Variants in BMERB1 observed in about 807,000 individuals in gnomAD.
The protein encoded by BMERB1 is bMERB domain containing 1.
A neutral mutation model predicts 23.6 loss-of-function variants in BMERB1; 12 were observed. That is an observed-to-expected ratio of 0.51 (90% CI 0.33 to 0.82). BMERB1 has a LOEUF of 0.82. Ranked by LOEUF, BMERB1 falls within the 40% of genes least tolerant of loss-of-function variation. The pLI is 0.03. For synonymous variants in BMERB1, 122 were observed against 96.6 expected, an observed-to-expected ratio of 1.26 and a Z score of -1.54; for missense variants, 247 against 255.4, an observed-to-expected ratio of 0.97 and a Z score of 0.22.
intron 1 of BMERB1, among the ~76,000 whole-genome samples, chr16:15,468,409 T>G (rs1363253463): frequency 6.6e-6 from 1 of 152,090 alleles, no homozygotes; most frequent in Non-Finnish European, 1.5e-5. Context: ...CTTCCCAAAG[T>G]GCTGGGATTA....
chr16:15,478,410 C>T (rs1414220100), intron 1 of BMERB1, among the ~76,000 whole-genome samples: 1 of 152,190 alleles, frequency 6.6e-6, no homozygotes, highest in African/African-American at 2.4e-5. Context: ...ATCCTCCCAC[C>T]TCAGCCTCCC....
At chr16:15,498,473 A>G (rs769674936) in intron 1 of BMERB1, among the ~76,000 whole-genome samples, 1 of 152,036 alleles carries the variant, frequency 6.6e-6, no homozygotes, top group Non-Finnish European at 1.5e-5. Flanking sequence ...GCAGTGAGGT[A>G]TGATCACACC....
chr16:15,554,079 C>T (rs2030173202), intron 2 of BMERB1, among the ~76,000 whole-genome samples: 1 of 152,216 alleles, frequency 6.6e-6, no homozygotes, highest in Admixed American at 6.5e-5. Context: ...TCCCCCTTCT[C>T]TCTGAGTGCC....
At chr16:15,451,471 C>T (rs191041197) in intron 1 of BMERB1, among the ~76,000 whole-genome samples, 3 of 152,120 alleles carry the variant, frequency 2.0e-5, no homozygotes, top group Non-Finnish European at 4.4e-5. Context: ...GCATGAGCCA[C>T]CATGCCCGGC....
At chr16:15,500,931 C>G (rs529046249) in intron 1 of BMERB1, among the ~76,000 whole-genome samples, 1 of 152,242 alleles carries the variant, frequency 6.6e-6, no homozygotes, top group Non-Finnish European at 1.5e-5. Context: ...GGATTACAGG[C>G]GTGAGCCACC....
chr16:15,496,771 C>G (rs930744601), intron 1 of BMERB1, among the ~76,000 whole-genome samples: 2 of 152,016 alleles, frequency 1.3e-5, no homozygotes. Context: ...ATCTCCTGAC[C>G]TCGTGATCTG....
chr16:15,552,778 A>G (rs1297634332), intron 2 of BMERB1, among the ~76,000 whole-genome samples: 1 of 152,242 alleles, frequency 6.6e-6, no homozygotes, highest in East Asian at 1.9e-4. Context: ...GTAGGCGCTC[A>G]AGAACTGTTT....
chr16:15,529,983 G>A (rs548250409), intron 2 of BMERB1, among the ~76,000 whole-genome samples: 2 of 152,312 alleles, frequency 1.3e-5, no homozygotes, highest in Admixed American at 6.5e-5. Flanking sequence ...TGGCAGAGCC[G>A]TGCTTTCTGG....
chr16:15,468,608 C>T (rs2051203855), intron 1 of BMERB1, among the ~76,000 whole-genome samples: 1 of 152,132 alleles, frequency 6.6e-6, no homozygotes, highest in African/African-American at 2.4e-5. Context: ...GGGCTCCATT[C>T]AGATGGTTGG....
chr16:15,553,812 C>T (rs2030163802), intron 2 of BMERB1, among the ~76,000 whole-genome samples: 1 of 152,146 alleles, frequency 6.6e-6, no homozygotes, highest in African/African-American at 2.4e-5. Context: ...CCAGGAATTC[C>T]TTGGATCGTC....
At chr16:15,491,898 A>G (rs574813342) in intron 1 of BMERB1, among the ~76,000 whole-genome samples, 1 of 152,108 alleles carries the variant, frequency 6.6e-6, no homozygotes, top group African/African-American at 2.4e-5. Flanking sequence ...AGCCCTGTCC[A>G]CCTAAATGAT....
intron 1 of BMERB1, among the ~76,000 whole-genome samples, chr16:15,485,296 A>G (rs1374056872): frequency 6.6e-6 from 1 of 152,154 alleles, no homozygotes; most frequent in Admixed American, 6.5e-5. Context: ...GGTGTCATTC[A>G]AAGTTCACTA....
intron 2 of BMERB1, among the ~76,000 whole-genome samples, chr16:15,548,115 G>C (rs1386051236): frequency 6.6e-6 from 1 of 152,112 alleles, no homozygotes; most frequent in East Asian, 1.9e-4. Flanking sequence ...CTCCCGAGTA[G>C]CTGGGATTAC....
intron 2 of BMERB1, among the ~76,000 whole-genome samples, chr16:15,519,291 C>CTT (rs2051820637): frequency 6.6e-6 from 1 of 152,202 alleles, no homozygotes; most frequent in Non-Finnish European, 1.5e-5. Flanking sequence ...GCGAAGTAAT[C>CTT]ACCTTAATGC....
intron 3 of BMERB1, among the ~76,000 whole-genome samples, chr16:15,572,336 A>G (rs1230545715): frequency 1.3e-5 from 2 of 152,340 alleles, no homozygotes; most frequent in South Asian, 2.1e-4. Context: ...GCGCAATGAC[A>G]GTAGAACTGA....
At chr16:15,454,938 A>G (rs964581503) in intron 1 of BMERB1, among the ~76,000 whole-genome samples, 1 of 152,230 alleles carries the variant, frequency 6.6e-6, no homozygotes, top group Non-Finnish European at 1.5e-5. Flanking sequence ...ATTTGGCTAT[A>G]CAGGTAATGA....
At chr16:15,580,036 A>T (rs2030967860) in intron 3 of BMERB1, among the ~76,000 whole-genome samples, 1 of 152,064 alleles carries the variant, frequency 6.6e-6, no homozygotes, top group South Asian at 2.1e-4. Flanking sequence ...TATTAAGCCC[A>T]GCATGCATTA....
intron 2 of BMERB1, among the ~76,000 whole-genome samples, chr16:15,526,957 A>ATTTTATTATATTTTAT (rs2051913827): frequency 6.8e-6 from 1 of 147,180 alleles, no homozygotes; most frequent in East Asian, 1.9e-4. Flanking sequence ...AATAAATCAT[A>ATTTTATTATATTTTAT]TTTTATTATA....
chr16:15,497,801 G>A (rs1447304863), intron 1 of BMERB1, among the ~76,000 whole-genome samples: 1 of 152,164 alleles, frequency 6.6e-6, no homozygotes, highest in Non-Finnish European at 1.5e-5. Flanking sequence ...TCCCCATTGT[G>A]CCCCCTCATC....
Sources: allele counts gnomAD v4.1 joint callset (sites outside exome capture counted in the v4.1 genomes callset), GRCh38; gene constraint gnomAD v4.1.1; transcripts MANE v1.5; gene names NCBI Gene and HGNC (gene_info 2026-07-23, HGNC 2026-07-21).